The following DNAH11 variants were observed in gnomAD, a reference collection of about 807,000 sequenced individuals.
DNAH11 encodes the protein dynein axonemal heavy chain 11, also known as axonemal beta dynein heavy chain 11.
A neutral mutation model predicts 526.0 loss-of-function variants in DNAH11; 442 were observed. The ratio of observed to expected loss-of-function variants is 0.84; its 90% CI spans 0.78 to 0.91. The LOEUF (loss-of-function observed/expected upper bound fraction) is 0.91. Ranked by LOEUF, DNAH11 falls within the 40% of genes least tolerant of loss-of-function variation. The pLI, the probability that DNAH11 is intolerant of heterozygous loss-of-function variation, is 0.00. For synonymous variants in DNAH11, 2,461 were observed against 1,935.9 expected (o/e 1.27, Z -7.12); for missense variants, 6,989 against 5,448.7 (o/e 1.28, Z -8.90).
At position 21,651,387 on chromosome 7, in the gene DNAH11, G is replaced by A. The variant is rs188648468; in HGVS notation, c.4945-4445G>A. On this transcript the variant is annotated intron_variant, in intron 28 of 81. Transcript: ENST00000409508. ...TTATTTATTTATTTTTTTTGAGACAGAGTCTCGCTCTGTCACCCAGGCTGG... is the reference window on the plus strand; with the variant it reads ...TTATTTATTTATTTTTTTTGAGACAAAGTCTCGCTCTGTCACCCAGGCTGG... Among the ~76,000 whole-genome samples the A allele has an allele frequency of 1.6e-3, 240 of 151,866 alleles. 1 individual carries two copies. Among genetic ancestry groups the A allele is most frequent in the African/African-American group, 5.6e-3 (232 of 41,414 alleles).
intron 60 of DNAH11, among the ~76,000 whole-genome samples, chr7:21,788,579 C>G (rs550255656): frequency 6.6e-6 from 1 of 152,086 alleles, no homozygotes; most frequent in Non-Finnish European, 1.5e-5. Flanking sequence ...TCTCTCCCCA[C>G]CAGCAGAAAA....
chr7:21,865,910 C>T (rs1030312712), intron 70 of DNAH11, among the ~76,000 whole-genome samples: 6 of 152,172 alleles, frequency 3.9e-5, no homozygotes, highest in Non-Finnish European at 7.3e-5. Context: ...AACTTCCTGA[C>T]GTTACCATGG....
At chr7:21,879,682 C>T (rs1783842205) in intron 74 of DNAH11, among the ~76,000 whole-genome samples, 1 of 152,160 alleles carries the variant, frequency 6.6e-6, no homozygotes, top group South Asian at 2.1e-4. Flanking sequence ...ACATATTAGG[C>T]AGCTTTGTTC....
chr7:21,631,803 G>C (rs1240409104), intron 25 of DNAH11, among the ~76,000 whole-genome samples: 3 of 152,210 alleles, frequency 2.0e-5, no homozygotes, highest in African/African-American at 7.2e-5. Flanking sequence ...CACAGTACAA[G>C]CTGTCGGTGG....
intron 47 of DNAH11, among the ~76,000 whole-genome samples, 174 bp from the exon 48 acceptor site, chr7:21,739,397 A>T (rs1583646715): frequency 6.6e-6 from 1 of 152,296 alleles, no homozygotes; most frequent in East Asian, 1.9e-4. Flanking sequence ...AGTCAACTTC[A>T]GTTTTTTGAG....
intron 31 of DNAH11, among the ~76,000 whole-genome samples, chr7:21,682,821 G>A (rs1195137784): frequency 1.3e-5 from 2 of 152,066 alleles, no homozygotes; most frequent in African/African-American, 4.8e-5. Context: ...GCAAGAAAAT[G>A]CTTTTCATAT....
chr7:21,648,149 A>G (rs138157074), intron 28 of DNAH11, among the ~76,000 whole-genome samples: 5 of 152,324 alleles, frequency 3.3e-5, no homozygotes, highest in East Asian at 3.9e-4. Flanking sequence ...CTGAACCTCA[A>G]TATCCTTATA....
chr7:21,779,117 C>T lies in DNAH11; in HGVS notation c.9483+13C>T, dbSNP rs771335625. ...TGAGGAGCGAAAGGTCAGGCTAATTCCAACATTTAGAGTGCGGAGCTATAT... is the reference window on the plus strand; with the variant it reads ...TGAGGAGCGAAAGGTCAGGCTAATTTCAACATTTAGAGTGCGGAGCTATAT... On this transcript the variant is annotated intron_variant, in intron 57 of 81. Transcript: ENST00000409508. The T allele has an allele frequency of 6.2e-7, 1 of 1,608,692 alleles. No individual in the cohort carries two copies. The highest frequency in any genetic ancestry group is 1.1e-5 in the South Asian group (1 of 90,694).
intron 63 of DNAH11, among the ~76,000 whole-genome samples, chr7:21,810,485 A>C (rs1057301997): frequency 6.6e-6 from 1 of 152,206 alleles, no homozygotes; most frequent in African/African-American, 2.4e-5. Flanking sequence ...AAGTAGGAAA[A>C]TGCAGTGCAA....
chr7:21,873,883 CG>C (rs1385602327), intron 74 of DNAH11, among the ~76,000 whole-genome samples: 1 of 148,202 alleles, frequency 6.7e-6, no homozygotes, highest in Non-Finnish European at 1.5e-5. Flanking sequence ...TTCCACCTCC[CG>C]GGTTCAAGCA....
At chr7:21,636,227 G>T in intron 26 of DNAH11, 132 bp downstream of exon 26, 1 of 699,818 alleles carries the variant, frequency 1.4e-6, no homozygotes, top group Non-Finnish European at 2.4e-6. Flanking sequence ...TCCTGCAAAG[G>T]GCCAGGTAAT....
intron 75 of DNAH11, among the ~76,000 whole-genome samples, chr7:21,881,614 G>A (rs1263055914): frequency 5.3e-5 from 8 of 152,246 alleles, no homozygotes; most frequent in East Asian, 1.9e-4. Flanking sequence ...AGTTAAATCC[G>A]TTAAGACTAG....
chr7:21,600,164 C>A lies in DNAH11; in HGVS notation c.3000+45C>A. 3.4e-6 allele frequency: 5 copies of A among 1,454,980 alleles called. No individual in the cohort carries two copies. The South Asian group carries it at 4.6e-5, about 13-fold the overall frequency. 90.1% of individuals were successfully genotyped at this position (1,454,980 alleles called of 1,614,324 possible). On this transcript the variant is annotated intron_variant, in intron 15 of 81. Transcript: ENST00000409508. Reference sequence around the variant, plus strand: ...GTATTTAGCTTTTATATTAATGATTCAAAAACAAATTGTGGCTGAGTATGG... The same window carrying A: ...GTATTTAGCTTTTATATTAATGATTAAAAAACAAATTGTGGCTGAGTATGG...
At chr7:21,829,103 A>G (rs933054083) in intron 65 of DNAH11, among the ~76,000 whole-genome samples, 2 of 151,984 alleles carry the variant, frequency 1.3e-5, no homozygotes, top group African/African-American at 4.8e-5. Context: ...TTTCCGCTGC[A>G]CTCTTGACTG....
intron 63 of DNAH11, among the ~76,000 whole-genome samples, chr7:21,814,939 A>T (rs1789711771): frequency 6.6e-6 from 1 of 152,204 alleles, no homozygotes. Flanking sequence ...CTATCGAAAC[A>T]TCCTAAAAAT....
chr7:21,816,359 A>C lies in DNAH11; in HGVS notation c.10333-108A>C, dbSNP rs978493050. 1.2e-5 allele frequency: 10 copies of C among 825,148 alleles called. No homozygotes were observed. The African/African-American group carries it at 1.4e-4, about 11-fold the overall frequency. The allele number at this position is 825,148 out of a possible 1,614,324, so 51.1% of individuals were successfully genotyped here. On this transcript the variant is annotated intron_variant, in intron 63 of 81. Transcript: ENST00000409508. ...TTCTGAGAATCCACAGAAAATTATC[A>C]TGTGTTTACCTAGGGTTACTTTCTC...
At position 21,842,318 on chromosome 7, in the gene DNAH11, C is replaced by G. The variant is rs997477309; in HGVS notation, c.10692-226C>G. Among the ~76,000 whole-genome samples, 5 of 152,086 alleles carry G rather than the reference C, an allele frequency of 3.3e-5. No individual in the cohort carries two copies. The East Asian group carries it at 9.6e-4, about 29-fold the overall frequency. ...TTACAGTGACACTATGGGGTGAGTA[C>G]TATTATTGTCAATATTTCACATATG... On this transcript the variant is annotated intron_variant, in intron 65 of 81. Coordinates refer to ENST00000409508, the MANE Select transcript of DNAH11 (RefSeq NM_001277115.2).
intron 5 of DNAH11, among the ~76,000 whole-genome samples, chr7:21,562,689 C>G (rs893121683): frequency 3.3e-5 from 5 of 151,608 alleles, no homozygotes; most frequent in Admixed American, 2.6e-4. Flanking sequence ...TTTAAGGACA[C>G]TTAATATTTA....
chr7:21,574,392 C>T (rs914267172), intron 8 of DNAH11, among the ~76,000 whole-genome samples: 1 of 152,078 alleles, frequency 6.6e-6, no homozygotes, highest in Admixed American at 6.6e-5. Context: ...ACATTATATA[C>T]CTGCTTAATT....
Sources: gnomAD v4.1 joint callset for allele counts (sites outside exome capture counted in the v4.1 genomes callset) on GRCh38, gnomAD v4.1.1 for gene constraint, MANE v1.5 for transcripts, NCBI Gene and HGNC (gene_info 2026-07-23, HGNC 2026-07-21) for gene names.